Variants in PCDHGB4 observed in about 807,000 individuals in gnomAD.
PCDHGB4 encodes protocadherin gamma-B4.
PCDHGB4 carries 38 observed loss-of-function variants against 60.5 expected under a neutral mutation model. The observed-to-expected ratio is 0.63, with a 90% confidence interval of 0.48 to 0.82. PCDHGB4 has a LOEUF of 0.82. Ranked by LOEUF, PCDHGB4 falls within the 40% of genes least tolerant of loss-of-function variation. The pLI, the probability that PCDHGB4 is intolerant of heterozygous loss-of-function variation, is 0.00. For synonymous variants in PCDHGB4, 456 were observed against 509.7 expected (o/e 0.89, Z 1.42); for missense variants, 1,109 against 1,209.6 (o/e 0.92, Z 1.23).
At position 141,414,131 on chromosome 5, in the gene PCDHGB4, A is replaced by G. The variant is rs977911874; in HGVS notation, c.2397+23850A>G. 1.9e-6 allele frequency: 3 copies of G among 1,594,622 alleles called. No homozygotes were observed. The highest frequency in any genetic ancestry group is 2.7e-5 in the African/African-American group (2 of 74,402). The stretch of plus-strand genomic sequence containing the variant: ...CTAGATTATGAAGAAACCGGTTTCT[A>G]TGAAATAGAAATACAAGCAGAAGAT... On this transcript the variant is annotated intron_variant, in intron 1 of 3. Transcript: ENST00000519479.
chr5:141,443,243 C>T (rs755331096), intron 1 of PCDHGB4, among the ~76,000 whole-genome samples: 9 of 151,618 alleles, frequency 5.9e-5, no homozygotes, highest in Non-Finnish European at 1.0e-4. Flanking sequence ...CACTTTGGGG[C>T]GCCAAGGCGG....
At chr5:141,423,415 G>A (rs779262475) in intron 1 of PCDHGB4, 103 of 1,614,016 alleles carry the variant, frequency 6.4e-5, no homozygotes, top group African/African-American at 1.2e-4. Context: ...GCAGGCTTCT[G>A]AAGGCGGGTT....
At position 141,419,393 on chromosome 5, in the gene PCDHGB4, G is replaced by C; in HGVS notation, c.2397+29112G>C. On this transcript the variant is annotated intron_variant, in intron 1 of 3. Transcript: ENST00000519479. ...CTACGTGTCCGTGAGCGCGCAGAGC[G>C]GGGTGGTGTTCGCGCAGCGCGCCTT... 1.2e-6 allele frequency: 2 copies of C among 1,613,620 alleles called. No homozygotes were observed. The highest frequency in any genetic ancestry group is 1.7e-6 in the Non-Finnish European group (2 of 1,179,912).
rs762530904 is a variant in PCDHGB4, at chr5:141,422,966, C to T, written c.2397+32685C>T. The T allele has an allele frequency of 2.5e-6, 4 of 1,614,112 alleles. No individual in the cohort carries two copies. The East Asian group carries it at 8.9e-5, about 36-fold the overall frequency. ...GGCTCCACTGGCGTGGAGCTGGCGC[C>T]CCGCTCTGCGGAACCTGGCTACCTG... On this transcript the variant is annotated intron_variant, in intron 1 of 3. Coordinates refer to ENST00000519479, the MANE Select transcript of PCDHGB4 (RefSeq NM_003736.4).
At chr5:141,397,756 A>AT (rs1283531463) in intron 1 of PCDHGB4, among the ~76,000 whole-genome samples, 1 of 152,210 alleles carries the variant, frequency 6.6e-6, no homozygotes, top group Admixed American at 6.5e-5. Context: ...AGTTGTTATA[A>AT]TTTTTTATTA....
chr5:141,501,621 A>T (rs1348614977), intron 2 of PCDHGB4, among the ~76,000 whole-genome samples: 1 of 152,100 alleles, frequency 6.6e-6, no homozygotes, highest in Non-Finnish European at 1.5e-5. Context: ...ACTCTGGTAT[A>T]GTCTCTCAAC....
chr5:141,421,532 C>T lies in PCDHGB4; in HGVS notation c.2397+31251C>T, dbSNP rs557991200. On this transcript the variant is annotated intron_variant, in intron 1 of 3. Transcript: ENST00000519479. ...GAGGAGCTCTGTGAGACGGTGTCCT[C>T]CTGTTTTTTAAATATGGAACTTCTC... The T allele has an allele frequency of 1.4e-5, 23 of 1,613,996 alleles. No individual in the cohort carries two copies. In the African/African-American group the frequency reaches 2.4e-4, roughly 17 times the overall value.
At chr5:141,408,401 C>T in intron 1 of PCDHGB4, 2 of 1,614,010 alleles carry the variant, frequency 1.2e-6, no homozygotes, top group Non-Finnish European at 8.5e-7. Context: ...TCGCAAGCTG[C>T]GAGTGAGCGC....
chr5:141,395,448 T>C, intron 1 of PCDHGB4: 1 of 647,116 alleles, frequency 1.5e-6, no homozygotes, highest in Non-Finnish European at 2.5e-6. Flanking sequence ...GAAAAGATTG[T>C]TCAACCATTT....
chr5:141,405,760 G>T (rs1048838050), intron 1 of PCDHGB4, among the ~76,000 whole-genome samples: 2 of 152,148 alleles, frequency 1.3e-5, no homozygotes, highest in East Asian at 3.9e-4. Context: ...TTACAGGCGT[G>T]AGCCACTGCG....
chr5:141,423,674 C>G (rs57195665), intron 1 of PCDHGB4: 15 of 1,514,742 alleles, frequency 9.9e-6, no homozygotes, highest in African/African-American at 2.9e-5. Flanking sequence ...AGATTTATTT[C>G]TCTGCCTCCT....
intron 1 of PCDHGB4, chr5:141,419,090 G>T: frequency 6.2e-7 from 1 of 1,613,922 alleles, no homozygotes; most frequent in Non-Finnish European, 8.5e-7. Flanking sequence ...TGAGGCCCTG[G>T]ATCGGGAGCA....
chr5:141,439,618 C>T (rs964445098), intron 1 of PCDHGB4, among the ~76,000 whole-genome samples: 2 of 152,178 alleles, frequency 1.3e-5, no homozygotes, highest in East Asian at 3.8e-4. Context: ...GATAAATGAG[C>T]CAATCCCCAG....
rs1418195492 is a variant in PCDHGB4 at position 141,431,459 on chromosome 5, G to T, written c.2397+41178G>T. 4 of 1,613,692 alleles carry T rather than the reference G, an allele frequency of 2.5e-6. No homozygotes were observed. The highest frequency in any genetic ancestry group is 3.4e-6 in the Non-Finnish European group (4 of 1,179,994). Reference sequence around the variant, plus strand: ...CGCGCGCATCCGCGTGATGGTTCTGGATGCGAACGACAACGCACCAGCGTT... The same window carrying T: ...CGCGCGCATCCGCGTGATGGTTCTGTATGCGAACGACAACGCACCAGCGTT... On this transcript the variant is annotated intron_variant, in intron 1 of 3. Transcript: ENST00000519479. This position sits in a 1 kb window ranked among gnomAD's most constrained non-coding sequence, Gnocchi z 4.8.
Position 141,421,262 on chromosome 5 carries a change from G to GGCTGCT in PCDHGB4, c.2397+30992_2397+30997dup, listed in dbSNP as rs748368476. 11 of 1,609,598 alleles carry GGCTGCT rather than the reference G, an allele frequency of 6.8e-6. No individual in the cohort carries two copies. The Admixed American group carries it at 8.4e-5, about 12-fold the overall frequency. ...CGGCTACAGCGCGGGGACCGCAGTC[G>GGCTGCT]GCTGCTGCTGCTGCTGTGCATTTTC... is the stretch of plus-strand genomic sequence containing the variant. On this transcript the variant is annotated intron_variant, in intron 1 of 3. Coordinates refer to ENST00000519479, the MANE Select transcript of PCDHGB4 (RefSeq NM_003736.4).
rs1449032006 is a variant in PCDHGB4 at position 141,438,617 on chromosome 5, TATATATATATATATATATAC to T, written c.2397+48338_2397+48357del. 2.9e-3 allele frequency among the ~76,000 whole-genome samples: 107 copies of T among 37,156 alleles called. 1 individual carries two copies. Among genetic ancestry groups the T allele is most frequent in the South Asian group, 0.015 (15 of 996 alleles). 24.4% of individuals were successfully genotyped at this position (37,156 alleles called of 152,430 possible). On this transcript the variant is annotated intron_variant, in intron 1 of 3. Transcript: ENST00000519479. Reference sequence around the variant, plus strand: ...ATATATATATATATATATATATATATATATATATATATATATATACACACACACACACACATATATGTATA... The same window carrying T: ...ATATATATATATATATATATATATATACACACACACACACATATATGTATA...
At chr5:141,464,600 C>T (rs970370250) in intron 1 of PCDHGB4, among the ~76,000 whole-genome samples, 24 of 152,118 alleles carry the variant, frequency 1.6e-4, no homozygotes, top group Admixed American at 1.1e-3. Flanking sequence ...CCATAGTCTC[C>T]TTTGCAGAGT....
At position 141,395,016 on chromosome 5, in the gene PCDHGB4, G is replaced by C. The variant is rs772379480; in HGVS notation, c.2397+4735G>C. The C allele has an allele frequency of 4.3e-6, 7 of 1,613,950 alleles. No homozygotes were observed. In the Admixed American group the frequency reaches 5.0e-5, roughly 12 times the overall value. ...GGATTCCGGTGGCAGATTGGTAGGCGTGCCTGCCTCACATTTTGTGGGTGT... is the reference window on the plus strand; with the variant it reads ...GGATTCCGGTGGCAGATTGGTAGGCCTGCCTGCCTCACATTTTGTGGGTGT... On this transcript the variant is annotated intron_variant, in intron 1 of 3. Coordinates refer to ENST00000519479, the MANE Select transcript of PCDHGB4 (RefSeq NM_003736.4).
chr5:141,428,624 C>CT, intron 1 of PCDHGB4: 1 of 193,988 alleles, frequency 5.2e-6, no homozygotes, highest in South Asian at 1.1e-4. Context: ...AAGATAAGCT[C>CT]TAACTCTGTT....
Sources: gnomAD v4.1 joint callset for allele counts (sites outside exome capture counted in the v4.1 genomes callset) on GRCh38, gnomAD v4.1.1 for gene constraint, Gnocchi (gnomAD v3.1) non-coding constraint, MANE v1.5 for transcripts, NCBI Gene and HGNC (gene_info 2026-07-23, HGNC 2026-07-21) for gene names.